TRIM11: variants seen among roughly 807,000 people sequenced by gnomAD.
TRIM11 encodes the protein tripartite motif containing 11, also known as E3 ubiquitin-protein ligase TRIM11.
In TRIM11, 15 loss-of-function variants were observed where a neutral mutation model predicts 33.4. That is an observed-to-expected ratio of 0.45 (90% confidence interval 0.30 to 0.69). The LOEUF is 0.69. Ranked by LOEUF, TRIM11 falls within the 30% of genes least tolerant of loss-of-function variation. The pLI is 0.08. For synonymous variants in TRIM11, 281 were observed against 302.6 expected (o/e 0.93, Z 0.74); for missense variants, 499 against 667.6 (o/e 0.75, Z 2.78).
chr1:228,402,324 T>C (rs1356914696), intron 1 of TRIM11, 163 bp from the exon 2 acceptor site: 1 of 538,408 alleles, frequency 1.9e-6, no homozygotes. Context: ...TGAGCCCTCA[T>C]GGTAGGTGGG....
Position 228,397,159 on chromosome 1 carries a change from T to C in TRIM11, c.742A>G (p.Lys248Glu), listed in dbSNP as rs777727165. 1.2e-6 allele frequency: 2 copies of C among 1,613,188 alleles called. No homozygotes were observed. The highest frequency in any genetic ancestry group is 1.7e-5 in the Admixed American group (1 of 59,960). The change falls in exon 4 of 6, where the codon AAG (lysine) becomes GAG (glutamate). Residue 248 changes from lysine (K) to glutamate (E), a missense_variant. Coordinates refer to ENST00000284551, the MANE Select transcript of TRIM11 (RefSeq NM_145214.3). The part of the protein sequence containing the change: ...LPALGLLQDI[K>E]DALRRVQDVK... Reference sequence around the variant, plus strand: ...GGTTCGTACCTGCGCAGGGCGTCCTTGATGTCCTATGTGGGGAGGAGAAAC... The same window carrying C: ...GGTTCGTACCTGCGCAGGGCGTCCTCGATGTCCTATGTGGGGAGGAGAAAC...
Position 228,406,379 on chromosome 1 carries a change from C to T in TRIM11, c.183G>A (p.Pro61=). 13 of 1,530,902 alleles carry T rather than the reference C, an allele frequency of 8.5e-6. No homozygotes were observed. Among genetic ancestry groups the T allele is most frequent in the Non-Finnish European group, 1.0e-5 (12 of 1,143,104 alleles). The allele number at this position is 1,530,902 out of a possible 1,614,324, so 94.8% of individuals were successfully genotyped here. Residue 61 remains proline, a synonymous_variant, in exon 1 of 6, where the codon CCG becomes CCA. Coordinates refer to ENST00000284551, the MANE Select transcript of TRIM11 (RefSeq NM_145214.3). The surrounding 1 kb of genome is among the most constrained non-coding windows in gnomAD (Gnocchi z 8.2). The part of the protein sequence containing the change: ...YACPECRELS[P]QRNLRPNRPL... ...GGCGGTTGGGCCGCAGGTTCCTCTG[C>T]GGGGACAGCTCGCGGCACTCGGGGC...
chr1:228,396,333 C>T, intron 5 of TRIM11: 1 of 349,944 alleles, frequency 2.9e-6, no homozygotes. Flanking sequence ...ACAAAGACAC[C>T]TAAACAGCTC....
At position 228,395,415 on chromosome 1, in the gene TRIM11, G is replaced by T; in HGVS notation, c.860-163C>A. The T allele has an allele frequency of 1.7e-6, 1 of 595,742 alleles. No homozygotes were observed. Among genetic ancestry groups the T allele is most frequent in the Non-Finnish European group, 2.5e-6 (1 of 400,502 alleles). The allele number at this position is 595,742 out of a possible 1,614,324, so 36.9% of individuals were successfully genotyped here. On this transcript the variant is annotated intron_variant, in intron 5 of 5. Coordinates refer to ENST00000284551, the MANE Select transcript of TRIM11 (RefSeq NM_145214.3). This position sits in a 1 kb window ranked among gnomAD's most constrained non-coding sequence, Gnocchi z 4.8. Reference sequence around the variant, plus strand: ...TCCTGGAGTAACTAACTGTCTCCAAGTGGACATCCTCTCCCCACTTAGCTA... The same window carrying T: ...TCCTGGAGTAACTAACTGTCTCCAATTGGACATCCTCTCCCCACTTAGCTA...
Position 228,406,210 on chromosome 1 carries a change from C to T in TRIM11, c.352G>A (p.Gly118Arg). 1 of 1,481,244 alleles carries T rather than the reference C, an allele frequency of 6.8e-7. No homozygotes were observed. The highest frequency in any genetic ancestry group is 8.9e-7 in the Non-Finnish European group (1 of 1,124,906). 91.8% of individuals were successfully genotyped at this position (1,481,244 alleles called of 1,614,324 possible). A position where few individuals can be genotyped will look rare whatever the true frequency, so the allele number is the denominator to read the frequency against. Residue 118 changes from glycine to arginine, a missense_variant, in exon 1 of 6, where the codon GGG becomes AGG. Transcript: ENST00000284551. The surrounding 1 kb of genome is among the most constrained non-coding windows in gnomAD (Gnocchi z 8.2). ...RLLCAACERS[G>R]EHWAHRVRPL... ...CGCACGCGGTGCGCCCAGTGCTCCC[C>T]AGAGCGCTCGCAGGCCGCACACAGG...
At position 228,395,533 on chromosome 1, in the gene TRIM11, T is replaced by TA. The variant is rs1401778374; in HGVS notation, c.860-282dup. On this transcript the variant is annotated intron_variant, in intron 5 of 5. Coordinates refer to ENST00000284551, the MANE Select transcript of TRIM11 (RefSeq NM_145214.3). The surrounding 1 kb of genome is among the most constrained non-coding windows in gnomAD (Gnocchi z 4.8). The stretch of plus-strand genomic sequence containing the variant: ...TCTTGGTTGCTTTTTTTTTTTTTTT[T>TA]AAAGAGGCAGGGTCTTGCTCTGTGG... 2 of 267,318 alleles carry TA rather than the reference T, an allele frequency of 7.5e-6. No homozygotes were observed. Among genetic ancestry groups the TA allele is most frequent in the Admixed American group, 5.2e-5 (1 of 19,062 alleles). The allele number at this position is 267,318 out of a possible 1,614,324, so 16.6% of individuals were successfully genotyped here.
rs138602626 is a variant in TRIM11, at chr1:228,394,410, C to T, written c.*295G>A. The T allele has an allele frequency of 5.4e-3, 2,283 of 419,494 alleles. 28 individuals are homozygous for T. The highest frequency in any genetic ancestry group is 0.036 in the African/African-American group (1,770 of 49,682). 26.0% of individuals were successfully genotyped at this position (419,494 alleles called of 1,614,324 possible). ...GGAGTTTTCTCAGCTTCTGGAACCA[C>T]AGGCCAGAGCTGCCGGGGCAATGGG... On this transcript the variant is annotated 3_prime_UTR_variant, in exon 6 of 6. Coordinates refer to ENST00000284551, the MANE Select transcript of TRIM11 (RefSeq NM_145214.3). The surrounding 1 kb of genome is among the most constrained non-coding windows in gnomAD (Gnocchi z 6.2).
chr1:228,398,935 C>G (rs1574084609), intron 3 of TRIM11, among the ~76,000 whole-genome samples: 1 of 151,994 alleles, frequency 6.6e-6, no homozygotes, highest in Non-Finnish European at 1.5e-5. Context: ...GGTCTCTGCA[C>G]AGAACACGGG....
At chr1:228,404,772 A>G (rs561871551) in intron 1 of TRIM11, 1 of 152,310 alleles carries the variant, frequency 6.6e-6, no homozygotes, top group Middle Eastern at 3.4e-3. Context: ...CTTTCCCACA[A>G]TTTATCAGTC....
At position 228,395,409 on chromosome 1, in the gene TRIM11, C is replaced by T. The variant is rs887775461; in HGVS notation, c.860-157G>A. The T allele has an allele frequency of 2.0e-5, 13 of 635,342 alleles. No individual in the cohort carries two copies. The highest frequency in any genetic ancestry group is 2.8e-5 in the Non-Finnish European group (12 of 436,174). 39.4% of individuals were successfully genotyped at this position (635,342 alleles called of 1,614,324 possible). On this transcript the variant is annotated intron_variant, in intron 5 of 5. Coordinates refer to ENST00000284551, the MANE Select transcript of TRIM11 (RefSeq NM_145214.3). This position sits in a 1 kb window ranked among gnomAD's most constrained non-coding sequence, Gnocchi z 4.8. ...ACAACCTCCTGGAGTAACTAACTGT[C>T]TCCAAGTGGACATCCTCTCCCCACT... is the stretch of plus-strand genomic sequence containing the variant.
In TRIM11 at chr1:228,394,969, G is replaced by A. The variant is rs2074967532; in HGVS notation, c.1143C>T (p.Val381=). ...AGGAATTGTAATAGCTCCCCAGGAA[G>A]ACCAGGATCCAGAAGCCGTTGCCCG... ...LSAGNGFWIL[V]FLGSYYNSSE... The change falls in exon 6 of 6, where the codon GTC becomes GTT. Residue 381 remains valine (V), a synonymous_variant. Coordinates refer to ENST00000284551, the MANE Select transcript of TRIM11 (RefSeq NM_145214.3). The surrounding 1 kb of genome is among the most constrained non-coding windows in gnomAD (Gnocchi z 6.2). 5 of 1,614,162 alleles carry A rather than the reference G, an allele frequency of 3.1e-6. No homozygotes were observed. The highest frequency in any genetic ancestry group is 3.4e-6 in the Non-Finnish European group (4 of 1,180,006).
Position 228,401,340 on chromosome 1 carries a change from G to T in TRIM11, c.505-146C>A. 1 of 1,047,914 alleles carries T rather than the reference G, an allele frequency of 9.5e-7. No individual in the cohort carries two copies. The highest frequency in any genetic ancestry group is 1.7e-5 in the South Asian group (1 of 59,768). The allele number at this position is 1,047,914 out of a possible 1,614,324, so 64.9% of individuals were successfully genotyped here. A position where few individuals can be genotyped will look rare whatever the true frequency, so the allele number is the denominator to read the frequency against. ...TGCTAAAGCCAAAGCACAGCACCAG[G>T]TGTGGCAGGACCCCAAACCCACCAC... is the stretch of plus-strand genomic sequence containing the variant. On this transcript the variant is annotated intron_variant, in intron 2 of 5. Coordinates refer to ENST00000284551, the MANE Select transcript of TRIM11 (RefSeq NM_145214.3). This position sits in a 1 kb window ranked among gnomAD's most constrained non-coding sequence, Gnocchi z 6.1.
rs1656228214 is a variant in TRIM11, at chr1:228,401,577, G to C, written c.505-383C>G. 6.6e-6 allele frequency among the ~76,000 whole-genome samples: 1 copy of C among 151,666 alleles called. No homozygotes were observed. The highest frequency in any genetic ancestry group is 2.4e-5 in the African/African-American group (1 of 41,216). ...GTAGAACCCTGCATCTACCACCTGG[G>C]GCCAGCTGGACTACAAATCTACCAC... On this transcript the variant is annotated intron_variant, in intron 2 of 5. Coordinates refer to ENST00000284551, the MANE Select transcript of TRIM11 (RefSeq NM_145214.3). This position sits in a 1 kb window ranked among gnomAD's most constrained non-coding sequence, Gnocchi z 6.1.
chr1:228,395,343 C>T lies in TRIM11; in HGVS notation c.860-91G>A. ...CCTGGGCATGTAGGTACAATCCTCC[C>T]AGTCGGACGGCCTGGCTCTCTGCCC... On this transcript the variant is annotated intron_variant, in intron 5 of 5. Transcript: ENST00000284551. The surrounding 1 kb of genome is among the most constrained non-coding windows in gnomAD (Gnocchi z 4.8). 7.5e-7 allele frequency: 1 copy of T among 1,332,008 alleles called. No individual in the cohort carries two copies. Among genetic ancestry groups the T allele is most frequent in the Non-Finnish European group, 9.7e-7 (1 of 1,034,830 alleles). The allele number at this position is 1,332,008 out of a possible 1,614,324, so 82.5% of individuals were successfully genotyped here.
chr1:228,397,374 G>C (rs1459432750), intron 3 of TRIM11: 1 of 622,484 alleles, frequency 1.6e-6, no homozygotes, highest in African/African-American at 1.8e-5. Flanking sequence ...GTGCCAGGAG[G>C]CATCACCAAT....
rs924064066 is a variant in TRIM11 at position 228,402,052 on chromosome 1, G to A, written c.504+14C>T. On this transcript the variant is annotated intron_variant, in intron 2 of 5. Coordinates refer to ENST00000284551, the MANE Select transcript of TRIM11 (RefSeq NM_145214.3). ...TACCCTGCCACCCAGGACCCTGGGA[G>A]CCCCAGCACCTGCCTGCCACAAGAC... 2 of 1,607,494 alleles carry A rather than the reference G, an allele frequency of 1.2e-6. No individual in the cohort carries two copies. The highest frequency in any genetic ancestry group is 1.7e-6 in the Non-Finnish European group (2 of 1,176,298).
At chr1:228,405,263 T>C (rs1330700533) in intron 1 of TRIM11, 1 of 152,258 alleles carries the variant, frequency 6.6e-6, no homozygotes, top group Non-Finnish European at 1.5e-5. Flanking sequence ...AGATTTATTC[T>C]AGTATCCCAG....
chr1:228,397,869 C>T (rs185123189), intron 3 of TRIM11, among the ~76,000 whole-genome samples: 1 of 152,338 alleles, frequency 6.6e-6, no homozygotes, highest in African/African-American at 2.4e-5. Flanking sequence ...GACTAGGACA[C>T]AGACACCCAC....
chr1:228,399,885 AAAAAAC>A (rs1218388784), intron 3 of TRIM11, among the ~76,000 whole-genome samples: 6 of 141,086 alleles, frequency 4.3e-5, no homozygotes, highest in African/African-American at 9.3e-5. Context: ...TCTACAAAAA[AAAAAAC>A]AAAAAAAAAA....
Sources: allele counts gnomAD v4.1 joint callset (sites outside exome capture counted in the v4.1 genomes callset), GRCh38; gene constraint gnomAD v4.1.1; non-coding constraint Gnocchi (gnomAD v3.1); transcripts MANE v1.5; gene names NCBI Gene and HGNC (gene_info 2026-07-23, HGNC 2026-07-21).